PIBF1: variants seen among roughly 807,000 people sequenced by gnomAD.
PIBF1 encodes the protein progesterone-induced-blocking factor 1.
Under a neutral mutation model 112.5 loss-of-function variants are expected in PIBF1, and 90 were observed. The observed-to-expected ratio is 0.80, with a 90% CI of 0.67 to 0.95. PIBF1 has a LOEUF of 0.95. PIBF1 is among the 40% of genes least tolerant of loss of function. The probability of loss-of-function intolerance (pLI) is 0.00; values close to 1 mark genes in which losing one functional copy is unlikely to be tolerated. For missense variants in PIBF1, 915 were observed against 852.3 expected (o/e 1.07, Z -0.92); for synonymous variants, 301 against 288.6 (o/e 1.04, Z -0.44).
intron 17 of PIBF1, among the ~76,000 whole-genome samples, chr13:73,003,547 C>T (rs955802902): frequency 6.6e-6 from 1 of 152,010 alleles, no homozygotes; most frequent in African/African-American, 2.4e-5. Context: ...TGAGCCACCG[C>T]ACCTGGCCTG....
intron 9 of PIBF1, among the ~76,000 whole-genome samples, chr13:72,841,518 AC>A: frequency 6.6e-6 from 1 of 152,240 alleles, no homozygotes; most frequent in East Asian, 1.9e-4. Flanking sequence ...CACCTGTAAT[AC>A]CAACACTTTG....
At chr13:72,812,431 A>G (rs1404164640) in intron 5 of PIBF1, among the ~76,000 whole-genome samples, 1 of 152,034 alleles carries the variant, frequency 6.6e-6, no homozygotes, top group Admixed American at 6.6e-5. Context: ...ATCACAGTTT[A>G]AAAAAACAGT....
intron 13 of PIBF1, among the ~76,000 whole-genome samples, chr13:72,930,360 A>G (rs1024050410): frequency 6.6e-6 from 1 of 152,210 alleles, no homozygotes; most frequent in Non-Finnish European, 1.5e-5. Context: ...AAATATGAAA[A>G]TATGATAAAT....
At chr13:72,977,630 A>C (rs1204798927) in intron 16 of PIBF1, among the ~76,000 whole-genome samples, 1 of 152,198 alleles carries the variant, frequency 6.6e-6, no homozygotes, top group Non-Finnish European at 1.5e-5. Flanking sequence ...CAGAAAAAGC[A>C]AGTAGGACAA....
chr13:72,785,335 C>T (rs572761075), intron 2 of PIBF1, among the ~76,000 whole-genome samples: 7 of 152,240 alleles, frequency 4.6e-5, no homozygotes, highest in African/African-American at 1.2e-4. Flanking sequence ...TCCATGAGGA[C>T]GGGGATGTTT....
chr13:73,011,664 CT>C (rs1243355589), intron 17 of PIBF1, among the ~76,000 whole-genome samples: 10 of 152,138 alleles, frequency 6.6e-5, no homozygotes, highest in Admixed American at 5.9e-4. Flanking sequence ...CACACTCTAA[CT>C]GAAAGACTGA....
chr13:72,986,792 G>A (rs1175027010), intron 16 of PIBF1, among the ~76,000 whole-genome samples: 6 of 148,256 alleles, frequency 4.0e-5, no homozygotes, highest in East Asian at 4.1e-4. Context: ...CCGGGTTCAC[G>A]CCATTCTCCT....
chr13:73,002,406 A>G (rs1168302697), intron 17 of PIBF1, among the ~76,000 whole-genome samples: 1 of 151,728 alleles, frequency 6.6e-6, no homozygotes, highest in Non-Finnish European at 1.5e-5. Context: ...ACCTACTTTC[A>G]CTCTTAAGGT....
At chr13:72,963,609 G>A (rs751757511) in intron 14 of PIBF1, among the ~76,000 whole-genome samples, 4 of 151,888 alleles carry the variant, frequency 2.6e-5, no homozygotes, top group African/African-American at 7.3e-5. Context: ...AAGTAAGTAA[G>A]TAAATAAATA....
At chr13:72,994,280 G>A (rs1013371529) in intron 16 of PIBF1, among the ~76,000 whole-genome samples, 2 of 152,054 alleles carry the variant, frequency 1.3e-5, no homozygotes, top group East Asian at 1.9e-4. Context: ...CAAACAACAC[G>A]ATTAAGAAGC....
At chr13:72,965,495 G>A (rs1198998004) in intron 15 of PIBF1, 91 bp downstream of exon 15, 1 of 1,028,948 alleles carries the variant, frequency 9.7e-7, no homozygotes, top group Non-Finnish European at 1.4e-6. Context: ...ATCATGAACA[G>A]AAAATTTAAA....
intron 16 of PIBF1, chr13:72,973,982 C>A (rs2042961893): frequency 2.7e-6 from 1 of 367,330 alleles, no homozygotes; most frequent in Non-Finnish European, 4.8e-6. Context: ...CTCTCGTCTT[C>A]TTTATCAATG....
Position 73,002,773 on chromosome 13 carries a change from A to G in PIBF1, c.2223+3778A>G, listed in dbSNP as rs146594514. On this transcript the variant is annotated intron_variant, in intron 17 of 17. Coordinates refer to ENST00000326291, the MANE Select transcript of PIBF1 (RefSeq NM_006346.4). ...CCGAGGCAGACGGATCACCTGAGGT[A>G]AGGAGTTCGAGACCAGCCTGGCCAA... Among the ~76,000 whole-genome samples the G allele has an allele frequency of 8.3e-3, 1,255 of 152,060 alleles. 15 individuals carry two copies. Among genetic ancestry groups the G allele is most frequent in the African/African-American group, 0.028 (1,169 of 41,498 alleles).
intron 16 of PIBF1, among the ~76,000 whole-genome samples, chr13:72,985,676 C>T (rs533405819): frequency 1.3e-4 from 20 of 152,156 alleles, no homozygotes; most frequent in Non-Finnish European, 2.1e-4. Context: ...AGTCACTGAT[C>T]CCGTATCAAG....
At chr13:72,791,157 C>T (rs187723415) in intron 2 of PIBF1, among the ~76,000 whole-genome samples, 4 of 152,174 alleles carry the variant, frequency 2.6e-5, no homozygotes, top group Admixed American at 6.5e-5. Context: ...CGGGTTCACG[C>T]GATTCTCCTG....
chr13:72,797,201 T>C (rs2035240521), intron 4 of PIBF1, among the ~76,000 whole-genome samples: 1 of 152,130 alleles, frequency 6.6e-6, no homozygotes. Context: ...TAAATAAAGC[T>C]TTGCCAAGAG....
rs753318034 is a variant in PIBF1 at position 72,917,101 on chromosome 13, G to C, written c.1665G>C (p.Arg555Ser). 14 of 1,595,008 alleles carry C rather than the reference G, an allele frequency of 8.8e-6. No homozygotes were observed. Among genetic ancestry groups the C allele is most frequent in the African/African-American group, 4.0e-5 (3 of 74,084 alleles). The part of the protein sequence containing the change: ...AEIENEDEAE[R>S]VLFSYGYGAN... The stretch of plus-strand genomic sequence containing the variant: ...TTGAAAATGAAGATGAGGCTGAAAG[G>C]GTTCTTTTTTCCTACGGCTATGGTG... Residue 555 changes from arginine to serine, a missense_variant, in exon 13 of 18, where the codon AGG (arginine) becomes AGC (serine). Transcript: ENST00000326291.
chr13:72,823,055 A>G (rs2036632320), intron 6 of PIBF1, among the ~76,000 whole-genome samples: 2 of 152,188 alleles, frequency 1.3e-5, no homozygotes, highest in South Asian at 2.1e-4. Context: ...TGATCATGCC[A>G]CTGCACTCCA....
intron 10 of PIBF1, among the ~76,000 whole-genome samples, chr13:72,864,229 T>C (rs899416803): frequency 1.3e-5 from 2 of 152,200 alleles, no homozygotes; most frequent in Non-Finnish European, 2.9e-5. Flanking sequence ...TTACAGACCT[T>C]GCTTGAGAGT....
Sources: allele counts gnomAD v4.1 joint callset (sites outside exome capture counted in the v4.1 genomes callset), GRCh38; gene constraint gnomAD v4.1.1; transcripts MANE v1.5; gene names NCBI Gene and HGNC (gene_info 2026-07-23, HGNC 2026-07-21).